The following PRRX1 variants were observed in gnomAD, a reference collection of about 807,000 sequenced individuals.
PRRX1 encodes the protein paired related homeobox 1, also known as paired mesoderm homeobox protein 1.
A neutral mutation model predicts 24.0 loss-of-function variants in PRRX1; 8 were observed. The observed-to-expected ratio is 0.33, with a 90% CI of 0.20 to 0.60. The LOEUF is 0.60. PRRX1 is among the 20% of genes least tolerant of loss of function. The pLI, the probability that PRRX1 is intolerant of heterozygous loss-of-function variation, is 0.82. For synonymous variants in PRRX1, 160 were observed against 131.7 expected, an observed-to-expected ratio of 1.22 and a Z score of -1.47; for missense variants, 281 against 322.4, an observed-to-expected ratio of 0.87 and a Z score of 0.98.
At chr1:170,692,847 C>T (rs924697143) in intron 1 of PRRX1, among the ~76,000 whole-genome samples, 5 of 151,884 alleles carry the variant, frequency 3.3e-5, no homozygotes, top group Admixed American at 6.6e-5. Context: ...AAAGGCTTAC[C>T]TTCTGCAGAA....
intron 1 of PRRX1, among the ~76,000 whole-genome samples, chr1:170,704,679 A>G (rs1251855250): frequency 1.3e-5 from 2 of 152,180 alleles, no homozygotes. Context: ...ACTCAACTTC[A>G]TGAGAGTCTT....
chr1:170,699,546 G>T (rs941629420), intron 1 of PRRX1, among the ~76,000 whole-genome samples: 1 of 152,044 alleles, frequency 6.6e-6, no homozygotes, highest in African/African-American at 2.4e-5. Context: ...TTCCCCAAGG[G>T]TCTGTGCACC....
intron 3 of PRRX1, chr1:170,730,634 A>G: frequency 2.8e-6 from 1 of 362,414 alleles, no homozygotes; most frequent in Admixed American, 4.2e-5. Context: ...TGGAGCTTGG[A>G]TTGTGTATCT....
chr1:170,676,818 G>A (rs893945878), intron 1 of PRRX1, among the ~76,000 whole-genome samples: 1 of 152,124 alleles, frequency 6.6e-6, no homozygotes, highest in African/African-American at 2.4e-5. Flanking sequence ...GGAATGAAGA[G>A]TCTGGCATGC....
Position 170,723,997 on chromosome 1 carries a change from T to C in PRRX1, c.418-2223T>C, listed in dbSNP as rs761601427. ...ATCTCATTGAAATTGCTTCCTCAAC[T>C]GTAAAATAGAAATAATAAAACCTAA... On this transcript the variant is annotated intron_variant, in intron 2 of 3. Coordinates refer to ENST00000239461, the MANE Select transcript of PRRX1 (RefSeq NM_022716.4). 3.8e-4 allele frequency among the ~76,000 whole-genome samples: 58 copies of C among 152,238 alleles called. 1 individual carries two copies. Among genetic ancestry groups the C allele is most frequent in the Non-Finnish European group, 4.3e-4 (29 of 68,044 alleles).
At chr1:170,702,369 T>C (rs1398009647) in intron 1 of PRRX1, among the ~76,000 whole-genome samples, 2 of 152,146 alleles carry the variant, frequency 1.3e-5, no homozygotes, top group African/African-American at 2.4e-5. Flanking sequence ...AACCAACCTC[T>C]CCCTGTCCTC....
At chr1:170,693,015 C>G (rs1322331163) in intron 1 of PRRX1, among the ~76,000 whole-genome samples, 1 of 152,056 alleles carries the variant, frequency 6.6e-6, no homozygotes, top group Non-Finnish European at 1.5e-5. Context: ...TCTTGATTCA[C>G]TTCCAACCCA....
Position 170,737,696 on chromosome 1 carries a change from T to C in PRRX1, c.*1510T>C. The C allele has an allele frequency of 4.5e-6, 1 of 221,558 alleles. No individual in the cohort carries two copies. The highest frequency in any genetic ancestry group is 9.1e-6 in the Non-Finnish European group (1 of 110,330). The allele number at this position is 221,558 out of a possible 1,614,324, so 13.7% of individuals were successfully genotyped here. A position where few individuals can be genotyped will look rare whatever the true frequency, so the allele number is the denominator to read the frequency against. ...GGAGCCAGGACTGATCTTCCATTTC[T>C]TTTTCTTTGTTCCCAGCCATGCTTT... On this transcript the variant is annotated 3_prime_UTR_variant, in exon 4 of 4. Transcript: ENST00000239461.
intron 1 of PRRX1, among the ~76,000 whole-genome samples, chr1:170,673,630 T>C (rs887748725): frequency 6.6e-6 from 1 of 152,220 alleles, no homozygotes; most frequent in African/African-American, 2.4e-5. Context: ...ACATTTCCAT[T>C]TGAATATCAC....
At chr1:170,667,889 T>C (rs932253721) in intron 1 of PRRX1, 2 of 152,198 alleles carry the variant, frequency 1.3e-5, no homozygotes, top group Non-Finnish European at 2.9e-5. Flanking sequence ...ATTCTTAATT[T>C]TGCAAAATTC....
At chr1:170,687,693 T>C (rs1192476470) in intron 1 of PRRX1, among the ~76,000 whole-genome samples, 1 of 152,160 alleles carries the variant, frequency 6.6e-6, no homozygotes, top group African/African-American at 2.4e-5. Context: ...GGAAGTTATT[T>C]TATAGCATGT....
At chr1:170,733,840 G>T (rs1257379853) in intron 3 of PRRX1, among the ~76,000 whole-genome samples, 1 of 151,976 alleles carries the variant, frequency 6.6e-6, no homozygotes, top group Non-Finnish European at 1.5e-5. Context: ...ATACATTTAT[G>T]GTAAGGTCTT....
At chr1:170,676,879 T>TCC (rs1653338613) in intron 1 of PRRX1, among the ~76,000 whole-genome samples, 1 of 152,184 alleles carries the variant, frequency 6.6e-6, no homozygotes, top group Non-Finnish European at 1.5e-5. Flanking sequence ...ATTCCTCTGG[T>TCC]TCATGTTCTT....
chr1:170,664,369 G>T lies in PRRX1; in HGVS notation c.151G>T (p.Ala51Ser), dbSNP rs1305797582. ...DLEEAGDMVA[A>S]QADENVGEAG... ...GGAGGAAGCCGGGGACATGGTGGCG[G>T]CACAGGCGGATGAGAACGTGGGCGA... The change falls in exon 1 of 4, where the codon GCA (alanine) becomes TCA (serine). Residue 51 changes from alanine (A) to serine (S), a missense_variant. By Grantham distance (99) the Ala-to-Ser change is moderately conservative (BLOSUM62 1). Coordinates refer to ENST00000239461, the MANE Select transcript of PRRX1 (RefSeq NM_022716.4). 8.7e-6 allele frequency: 14 copies of T among 1,613,676 alleles called. No individual in the cohort carries two copies. Among genetic ancestry groups the T allele is most frequent in the Non-Finnish European group, 1.2e-5 (14 of 1,179,938 alleles).
intron 1 of PRRX1, among the ~76,000 whole-genome samples, chr1:170,677,683 C>T (rs952781190): frequency 2.0e-5 from 3 of 152,140 alleles, no homozygotes; most frequent in Non-Finnish European, 2.9e-5. Flanking sequence ...GATACTTATA[C>T]CGCCACACCA....
intron 1 of PRRX1, among the ~76,000 whole-genome samples, chr1:170,703,562 CAG>C (rs1654460529): frequency 6.6e-6 from 1 of 152,020 alleles, no homozygotes; most frequent in Admixed American, 6.6e-5. Context: ...TCTGTCTTCA[CAG>C]AGTTTATAAT....
chr1:170,710,808 C>T (rs1403946009), intron 1 of PRRX1, among the ~76,000 whole-genome samples: 1 of 152,190 alleles, frequency 6.6e-6, no homozygotes, highest in Admixed American at 6.5e-5. Context: ...CAGTTGTTTG[C>T]AGGCCAGGAA....
In PRRX1 at chr1:170,664,410, G is replaced by C. The variant is rs766340831; in HGVS notation, c.192G>C (p.Leu64=). The C allele has an allele frequency of 6.2e-7, 1 of 1,611,410 alleles. No individual in the cohort carries two copies. Among genetic ancestry groups the C allele is most frequent in the African/African-American group, 1.3e-5 (1 of 74,904 alleles). The change falls in exon 1 of 4, where the codon CTG becomes CTC. Residue 64 remains leucine, a synonymous_variant. Transcript: ENST00000239461. ...ACGTGGGCGAGGCTGGCCGGAGCCT[G>C]CTGGAGTCGCCGGGACTCACCAGCG... The part of the protein sequence containing the change: ...DENVGEAGRS[L]LESPGLTSGS...
intron 3 of PRRX1, among the ~76,000 whole-genome samples, 195 bp from the exon 4 acceptor site, chr1:170,735,853 A>G (rs933684078): frequency 1.3e-5 from 2 of 152,126 alleles, no homozygotes; most frequent in Admixed American, 6.5e-5. Flanking sequence ...CCTGCTCTTC[A>G]AAACATGACC....
Sources: gnomAD v4.1 joint callset for allele counts (sites outside exome capture counted in the v4.1 genomes callset) on GRCh38, gnomAD v4.1.1 for gene constraint, MANE v1.5 for transcripts, NCBI Gene and HGNC (gene_info 2026-07-23, HGNC 2026-07-21) for gene names.